The following ADH7 variants were observed in gnomAD, a reference collection of about 807,000 sequenced individuals.
ADH7 encodes the protein all-trans-retinol dehydrogenase [NAD(+)] ADH7.
Under a neutral mutation model 34.4 loss-of-function variants are expected in ADH7, and 41 were observed. That is an observed-to-expected ratio of 1.19 (90% CI 0.93 to 1.55). The LOEUF is 1.55. ADH7 is among the 40% of genes most tolerant of loss of function. The pLI is 0.00. For missense variants in ADH7, 540 were observed against 461.2 expected (o/e 1.17, Z -1.56); for synonymous variants, 180 against 160.9 (o/e 1.12, Z -0.90).
At chr4:99,416,935 CT>C (rs917074514) in intron 7 of ADH7, among the ~76,000 whole-genome samples, 16 of 152,090 alleles carry the variant, frequency 1.1e-4, no homozygotes, top group African/African-American at 3.9e-4. Context: ...ATTCCTGTTG[CT>C]TAGGCCCAAA....
At position 99,427,909 on chromosome 4, in the gene ADH7, G is replaced by C. The variant is rs772325568; in HGVS notation, c.428C>G (p.Thr143Ser). Residue 143 changes from threonine to serine, a missense_variant, in exon 5 of 9, where the codon ACC (threonine) becomes AGC (serine). Physicochemically the swap from Thr to Ser is moderately conservative, Grantham distance 58. Coordinates refer to ENST00000437033, the MANE Select transcript of ADH7 (RefSeq NM_000673.7). ...CACTGTGTACTCGGTAAATGTACTG[G>C]TGTTCATGAAGTGGTGGACTGGTTT... ...KGKPVHHFMN[T>S]STFTEYTVVD... The C allele has an allele frequency of 1.2e-6, 2 of 1,614,008 alleles. No homozygotes were observed. Among genetic ancestry groups the C allele is most frequent in the South Asian group, 2.2e-5 (2 of 91,082 alleles).
chr4:99,427,655 G>C, intron 5 of ADH7, 118 bp downstream of exon 5: 1 of 674,108 alleles, frequency 1.5e-6, no homozygotes, highest in South Asian at 6.5e-5. Flanking sequence ...TTGGCAGCCT[G>C]AATATGCAAT....
rs150551313 is a variant in ADH7 at position 99,419,115 on chromosome 4, C to T, written c.832G>A (p.Ala278Thr). The T allele has an allele frequency of 3.1e-6, 5 of 1,613,414 alleles. No homozygotes were observed. Among genetic ancestry groups the T allele is most frequent in the Non-Finnish European group, 1.7e-6 (2 of 1,179,646 alleles). ...VIGHLETMID[A>T]LASCHMNYGT... ...TAGTTCATGTGGCAGGATGCCAGGG[C>T]ATCAATCTGAGTTTAAAACGGAGGA... The change falls in exon 7 of 9, where the codon GCC becomes ACC. Residue 278 changes from alanine (A) to threonine (T), a missense_variant. Coordinates refer to ENST00000437033, the MANE Select transcript of ADH7 (RefSeq NM_000673.7).
At chr4:99,415,735 A>C in intron 7 of ADH7, 119 bp from the exon 8 acceptor site, 1 of 1,066,156 alleles carries the variant, frequency 9.4e-7, no homozygotes, top group Non-Finnish European at 1.3e-6. Context: ...GATCATTCCC[A>C]GCAGTGTACA....
chr4:99,422,411 C>G (rs1414199649), intron 5 of ADH7, among the ~76,000 whole-genome samples: 1 of 152,036 alleles, frequency 6.6e-6, no homozygotes, highest in Non-Finnish European at 1.5e-5. Context: ...GAACAGAAAA[C>G]CAAACACCAC....
chr4:99,435,281 G>A lies in ADH7; in HGVS notation c.-48C>T, dbSNP rs1161095034. ...ATTTCTGCAAACATAGACTTTTTCT[G>A]ACTGATGCTCAGTTCACTCTGTTGT... On this transcript the variant is annotated 5_prime_UTR_variant, in exon 1 of 9. Transcript: ENST00000437033. The A allele has an allele frequency of 6.2e-7, 1 of 1,612,440 alleles. No individual in the cohort carries two copies. Among genetic ancestry groups the A allele is most frequent in the Admixed American group, 1.7e-5 (1 of 59,806 alleles).
At chr4:99,433,232 A>G (rs940583947) in intron 1 of ADH7, among the ~76,000 whole-genome samples, 2 of 152,228 alleles carry the variant, frequency 1.3e-5, no homozygotes, top group Admixed American at 1.3e-4. Flanking sequence ...AAAATACATA[A>G]ACAATAATAG....
chr4:99,423,720 G>C (rs1183294467), intron 5 of ADH7, among the ~76,000 whole-genome samples: 1 of 152,002 alleles, frequency 6.6e-6, no homozygotes, highest in African/African-American at 2.4e-5. Context: ...CTTTTTGATG[G>C]GGTTGTTTGT....
intron 7 of ADH7, 48 bp downstream of exon 7, chr4:99,418,938 C>A: frequency 1.2e-6 from 2 of 1,602,448 alleles, no homozygotes; most frequent in Admixed American, 3.4e-5. Context: ...TTGCCAAGCA[C>A]CAGAGTGAAA....
Position 99,430,624 on chromosome 4 carries a change from C to T in ADH7, c.19-991G>A, listed in dbSNP as rs548849900. On this transcript the variant is annotated intron_variant, in intron 1 of 8. Transcript: ENST00000437033. The stretch of plus-strand genomic sequence containing the variant: ...AAAAGGTTAAATGTGAAAAATGATA[C>T]ACTGGTAACAGATGGGCGGCTGAAA... Among the ~76,000 whole-genome samples the T allele has an allele frequency of 7.2e-5, 11 of 152,150 alleles. No individual in the cohort carries two copies. In the South Asian group the frequency reaches 2.3e-3, roughly 32 times the overall value.
At chr4:99,427,540 A>C (rs769963752) in intron 5 of ADH7, among the ~76,000 whole-genome samples, 8 of 152,204 alleles carry the variant, frequency 5.3e-5, no homozygotes, top group Non-Finnish European at 8.8e-5. Context: ...GAAATGATGC[A>C]GTTTGCAAAT....
At chr4:99,417,049 C>G (rs377208982) in intron 7 of ADH7, among the ~76,000 whole-genome samples, 3 of 152,076 alleles carry the variant, frequency 2.0e-5, no homozygotes, top group African/African-American at 4.8e-5. Context: ...CTCACCAGCC[C>G]CATCACTCCA....
intron 5 of ADH7, among the ~76,000 whole-genome samples, chr4:99,423,222 G>A (rs1721712367): frequency 6.7e-6 from 1 of 149,160 alleles, no homozygotes; most frequent in Non-Finnish European, 1.5e-5. Context: ...ATTTTTTATG[G>A]CTGCATAGTA....
intron 6 of ADH7, 110 bp downstream of exon 6, chr4:99,420,423 G>T (rs371943586): frequency 8.0e-7 from 1 of 1,257,576 alleles, no homozygotes; most frequent in East Asian, 2.5e-5. Flanking sequence ...ACTGACTATC[G>T]CAGAGATATT....
At chr4:99,429,182 T>G (rs114574672) in intron 2 of ADH7, among the ~76,000 whole-genome samples, 2,318 of 152,308 alleles carry the variant, frequency 0.015, 58 homozygotes, top group African/African-American at 0.051. Context: ...GAGTTCCTCA[T>G]TCTTTGCAAA....
intron 8 of ADH7, 180 bp downstream of exon 8, chr4:99,415,298 T>A (rs751694651): frequency 1.5e-6 from 1 of 675,506 alleles, no homozygotes; most frequent in South Asian, 1.7e-5. Flanking sequence ...GCAGTTTTTT[T>A]TTTTTATAGT....
At position 99,435,261 on chromosome 4, in the gene ADH7, T is replaced by C; in HGVS notation, c.-28A>G. ...TGTCTTTGTCTTGGATCTGTATTTC[T>C]GCAAACATAGACTTTTTCTGACTGA... On this transcript the variant is annotated 5_prime_UTR_variant, in exon 1 of 9. Coordinates refer to ENST00000437033, the MANE Select transcript of ADH7 (RefSeq NM_000673.7). The C allele has an allele frequency of 6.2e-7, 1 of 1,613,412 alleles. No individual in the cohort carries two copies. Among genetic ancestry groups the C allele is most frequent in the Non-Finnish European group, 8.5e-7 (1 of 1,179,716 alleles).
At chr4:99,425,310 G>A (rs1277749158) in intron 5 of ADH7, among the ~76,000 whole-genome samples, 2 of 152,056 alleles carry the variant, frequency 1.3e-5, no homozygotes, top group Non-Finnish European at 2.9e-5. Flanking sequence ...GTATTCAGGA[G>A]ACCCATCTCA....
intron 5 of ADH7, among the ~76,000 whole-genome samples, chr4:99,423,225 G>A (rs1721712589): frequency 1.3e-5 from 2 of 149,468 alleles, no homozygotes; most frequent in Non-Finnish European, 3.0e-5. Flanking sequence ...TTTTATGGCT[G>A]CATAGTATTC....
Sources: gnomAD v4.1 joint callset for allele counts (sites outside exome capture counted in the v4.1 genomes callset) on GRCh38, gnomAD v4.1.1 for gene constraint, MANE v1.5 for transcripts, NCBI Gene and HGNC (gene_info 2026-07-23, HGNC 2026-07-21) for gene names.